USP25: variants seen among roughly 807,000 people sequenced by gnomAD.
USP25 encodes ubiquitin carboxyl-terminal hydrolase 25.
In USP25, 85 loss-of-function variants were observed where a neutral mutation model predicts 158.5. The observed-to-expected ratio is 0.54, with a 90% CI of 0.45 to 0.64. The LOEUF (loss-of-function observed/expected upper bound fraction) is 0.64. Among genes scored for constraint, USP25 ranks in the 30% least tolerant of loss-of-function variants. The pLI is 0.00. For missense variants in USP25, 1,242 were observed against 1,327.3 expected (o/e 0.94, Z 1.00); for synonymous variants, 464 against 460.4 (o/e 1.01, Z -0.10).
At chr21:15,833,599 A>G in intron 17 of USP25, 51 bp downstream of exon 17, 1 of 1,491,366 alleles carries the variant, frequency 6.7e-7, no homozygotes, top group Non-Finnish European at 9.1e-7. Flanking sequence ...TATTTTTATA[A>G]TAAGATATGC....
In USP25 at chr21:15,870,056, T is replaced by C. The variant is rs2039820334; in HGVS notation, c.2806-12T>C. ...TACTCTGAACATTTTTAATATTTTC[T>C]TTCACCTACAGGAGTGGCATCAGGA... On this transcript the variant is annotated splice_polypyrimidine_tract_variant and intron_variant, in intron 22 of 25. Coordinates refer to ENST00000400183, the MANE Select transcript of USP25 (RefSeq NM_001283041.3). 1.9e-6 allele frequency: 3 copies of C among 1,579,036 alleles called. No homozygotes were observed. Among genetic ancestry groups the C allele is most frequent in the Non-Finnish European group, 2.6e-6 (3 of 1,161,146 alleles).
chr21:15,753,658 A>C (rs1008314461), intron 1 of USP25, among the ~76,000 whole-genome samples: 1 of 151,580 alleles, frequency 6.6e-6, no homozygotes, highest in Non-Finnish European at 1.5e-5. Flanking sequence ...AAATGTGCTT[A>C]TTAGTTGGCC....
intron 1 of USP25, among the ~76,000 whole-genome samples, chr21:15,744,514 A>T (rs2032358751): frequency 6.6e-6 from 1 of 151,960 alleles, no homozygotes; most frequent in Non-Finnish European, 1.5e-5. Flanking sequence ...GGGTTTTGCC[A>T]TGTTGGCCAG....
chr21:15,810,776 T>C (rs1264719414), intron 8 of USP25, among the ~76,000 whole-genome samples: 1 of 152,174 alleles, frequency 6.6e-6, no homozygotes, highest in East Asian at 1.9e-4. Context: ...CCTTCCCATG[T>C]CCAAATAAAC....
chr21:15,778,449 C>T (rs1016084085), intron 4 of USP25, among the ~76,000 whole-genome samples: 24 of 152,074 alleles, frequency 1.6e-4, no homozygotes, highest in African/African-American at 5.8e-4. Context: ...AACGCAAAAG[C>T]AGCTATAGCT....
At chr21:15,785,285 T>C (rs2035207687) in intron 4 of USP25, among the ~76,000 whole-genome samples, 1 of 152,062 alleles carries the variant, frequency 6.6e-6, no homozygotes, top group Admixed American at 6.6e-5. Flanking sequence ...GGAAATAGAC[T>C]CCAGTACAAC....
rs138078844 is a variant in USP25 at position 15,866,292 on chromosome 21, A to T, written c.2753A>T (p.Gln918Leu). ...ERCHNIMKVA[Q>L]AKLEMIKPEE... ...TGTCACAACATAATGAAAGTTGCTCAAGCCAAACTGGAAATGATAAAACCT... is the reference window on the plus strand; with the variant it reads ...TGTCACAACATAATGAAAGTTGCTCTAGCCAAACTGGAAATGATAAAACCT... Residue 918 changes from glutamine to leucine, a missense_variant, in exon 22 of 26, where the codon CAA becomes CTA. Physicochemically the swap from Gln to Leu is moderately radical, Grantham distance 113 (BLOSUM62 -2). Transcript: ENST00000400183. 34 of 1,604,964 alleles carry T rather than the reference A, an allele frequency of 2.1e-5. No individual in the cohort carries two copies. The highest frequency in any genetic ancestry group is 5.1e-5 in the Admixed American group (3 of 58,738).
chr21:15,810,564 G>A (rs2823498), intron 8 of USP25, among the ~76,000 whole-genome samples: 14,590 of 152,178 alleles, frequency 0.096, 716 homozygotes, highest in African/African-American at 0.1. Context: ...AAAATTTGTA[G>A]ATGACTAATT....
intron 17 of USP25, among the ~76,000 whole-genome samples, chr21:15,841,408 A>G (rs1347957920): frequency 6.6e-6 from 1 of 152,162 alleles, no homozygotes; most frequent in Non-Finnish European, 1.5e-5. Context: ...AAAAACTGCT[A>G]TGTTGCCATT....
chr21:15,818,895 C>A (rs1422140026), intron 10 of USP25, 49 bp downstream of exon 10: 1 of 1,589,402 alleles, frequency 6.3e-7, no homozygotes, highest in Non-Finnish European at 8.6e-7. Flanking sequence ...GTCTTTCTTA[C>A]AATGCTATAG....
At chr21:15,738,828 A>T (rs1460613599) in intron 1 of USP25, among the ~76,000 whole-genome samples, 1 of 152,134 alleles carries the variant, frequency 6.6e-6, no homozygotes, top group East Asian at 1.9e-4. Flanking sequence ...CCCTGACCTA[A>T]TCAGTTATGT....
intron 1 of USP25, among the ~76,000 whole-genome samples, chr21:15,756,863 C>G (rs984995533): frequency 2.0e-5 from 3 of 152,110 alleles, no homozygotes; most frequent in South Asian, 2.1e-4. Context: ...ACCCACCTCC[C>G]TGTACTTAAC....
chr21:15,794,684 T>C (rs563361084), intron 5 of USP25, among the ~76,000 whole-genome samples: 2 of 151,596 alleles, frequency 1.3e-5, no homozygotes, highest in East Asian at 3.9e-4. Context: ...ACCTGTCACT[T>C]AGTCCTAAAG....
intron 7 of USP25, among the ~76,000 whole-genome samples, chr21:15,808,449 G>T (rs1156779093): frequency 6.6e-6 from 1 of 152,122 alleles, no homozygotes; most frequent in Non-Finnish European, 1.5e-5. Flanking sequence ...TGTTTGCTAA[G>T]ATGATTTCTT....
intron 9 of USP25, among the ~76,000 whole-genome samples, chr21:15,812,415 G>A (rs758162496): frequency 2.6e-5 from 4 of 152,112 alleles, no homozygotes; most frequent in Admixed American, 6.5e-5. Flanking sequence ...TCGGGAGCCC[G>A]AGGCTGGTGG....
At chr21:15,806,929 TTTG>T (rs770147221) in intron 7 of USP25, among the ~76,000 whole-genome samples, 46 of 152,192 alleles carry the variant, frequency 3.0e-4, no homozygotes, top group Non-Finnish European at 6.2e-4. Context: ...CTTTTCCGTG[TTTG>T]TTTTTTTTTG....
In USP25 at chr21:15,826,925, C is replaced by T. The variant is rs370583434; in HGVS notation, c.1467-52C>T. On this transcript the variant is annotated intron_variant, in intron 13 of 25. Coordinates refer to ENST00000400183, the MANE Select transcript of USP25 (RefSeq NM_001283041.3). This position sits in a 1 kb window ranked among gnomAD's most constrained non-coding sequence, Gnocchi z 4.8. ...ACTGTGGGTTTGGCACGATCTTTGT[C>T]AAGAGTTTCAGCTTGAAAGGTTAAT... 6.3e-7 allele frequency: 1 copy of T among 1,583,682 alleles called. No individual in the cohort carries two copies. Among genetic ancestry groups the T allele is most frequent in the Non-Finnish European group, 8.6e-7 (1 of 1,162,102 alleles).
At chr21:15,849,990 T>C (rs2038809622) in intron 20 of USP25, 118 bp downstream of exon 20, 1 of 707,628 alleles carries the variant, frequency 1.4e-6, no homozygotes, top group African/African-American at 1.8e-5. Flanking sequence ...CCTATCTTAG[T>C]TATGGCCACC....
chr21:15,776,858 A>G (rs190074100), intron 3 of USP25, among the ~76,000 whole-genome samples: 3 of 152,256 alleles, frequency 2.0e-5, no homozygotes, highest in East Asian at 1.9e-4. Flanking sequence ...AAAATTTAAA[A>G]TAAGCAAATA....
Sources: allele counts gnomAD v4.1 joint callset (sites outside exome capture counted in the v4.1 genomes callset), GRCh38; gene constraint gnomAD v4.1.1; non-coding constraint Gnocchi (gnomAD v3.1); transcripts MANE v1.5; gene names NCBI Gene and HGNC (gene_info 2026-07-23, HGNC 2026-07-21).